Variants in HS6ST3 observed in about 807,000 individuals in gnomAD.
The protein encoded by HS6ST3 is heparan-sulfate 6-O-sulfotransferase 3.
Under a neutral mutation model 36.7 loss-of-function variants are expected in HS6ST3, and 12 were observed. The observed-to-expected ratio is 0.33, with a 90% CI of 0.21 to 0.53. The LOEUF (loss-of-function observed/expected upper bound fraction) is 0.53, where lower values mean the gene tolerates loss of function less well. HS6ST3 is among the 20% of genes least tolerant of loss of function. The pLI, the probability that HS6ST3 is intolerant of heterozygous loss-of-function variation, is 0.95. For missense variants in HS6ST3, 584 were observed against 640.9 expected, an observed-to-expected ratio of 0.91 and a Z score of 0.96; for synonymous variants, 240 against 257.5, an observed-to-expected ratio of 0.93 and a Z score of 0.65.
At chr13:96,602,055 C>G (rs117898493) in intron 1 of HS6ST3, among the ~76,000 whole-genome samples, 2,092 of 152,258 alleles carry the variant, frequency 0.014, 17 homozygotes, top group Non-Finnish European at 0.024. Context: ...ATTTTTTAAA[C>G]TGCGTTAAAC....
intron 1 of HS6ST3, among the ~76,000 whole-genome samples, chr13:96,739,707 T>TA (rs1876386341): frequency 6.6e-6 from 1 of 152,170 alleles, no homozygotes; most frequent in Non-Finnish European, 1.5e-5. Flanking sequence ...ATGCTCTTTT[T>TA]AATGGTCACG....
chr13:96,755,186 T>C (rs1270706039), intron 1 of HS6ST3, among the ~76,000 whole-genome samples: 1 of 152,092 alleles, frequency 6.6e-6, no homozygotes, highest in Non-Finnish European at 1.5e-5. Flanking sequence ...AGATAAGCCA[T>C]TGTCTTGATT....
At chr13:96,670,662 A>G (rs1053336365) in intron 1 of HS6ST3, among the ~76,000 whole-genome samples, 1 of 152,174 alleles carries the variant, frequency 6.6e-6, no homozygotes, top group African/African-American at 2.4e-5. Context: ...AGATGAAGGT[A>G]AGCCTAGAGA....
chr13:96,551,026 TG>T (rs1003073091), intron 1 of HS6ST3, among the ~76,000 whole-genome samples: 7 of 152,198 alleles, frequency 4.6e-5, no homozygotes, highest in Admixed American at 1.3e-4. Context: ...CCTTTAACTC[TG>T]TCCCAATCTG....
At chr13:96,545,163 T>C (rs2056193093) in intron 1 of HS6ST3, among the ~76,000 whole-genome samples, 2 of 152,202 alleles carry the variant, frequency 1.3e-5, no homozygotes, top group South Asian at 2.1e-4. Flanking sequence ...GTTCTATGTA[T>C]GACTAAAATT....
At chr13:96,420,108 G>A (rs2055555662) in intron 1 of HS6ST3, among the ~76,000 whole-genome samples, 1 of 152,064 alleles carries the variant, frequency 6.6e-6, no homozygotes, top group African/African-American at 2.4e-5. Flanking sequence ...TCCTGCTGCA[G>A]GTTTTCCTTA....
chr13:96,339,202 A>G (rs2055117715), intron 1 of HS6ST3, among the ~76,000 whole-genome samples: 1 of 152,232 alleles, frequency 6.6e-6, no homozygotes, highest in African/African-American at 2.4e-5. Flanking sequence ...AAAATGACAC[A>G]CAAGAACAAT....
At position 96,184,375 on chromosome 13, in the gene HS6ST3, T is replaced by C. The variant is rs560639419; in HGVS notation, c.707+92806T>C. Among the ~76,000 whole-genome samples, 7 of 152,330 alleles carry C rather than the reference T, an allele frequency of 4.6e-5. No homozygotes were observed. In the South Asian group the frequency reaches 1.5e-3, roughly 32 times the overall value. On this transcript the variant is annotated intron_variant, in intron 1 of 1. Transcript: ENST00000376705. Reference sequence around the variant, plus strand: ...GCTAACTCAATTATCTCACCTTTTCTAATTATTACTTACAAAACATTCAGC... The same window carrying C: ...GCTAACTCAATTATCTCACCTTTTCCAATTATTACTTACAAAACATTCAGC...
intron 1 of HS6ST3, among the ~76,000 whole-genome samples, chr13:96,280,798 T>C (rs539834001): frequency 4.6e-5 from 7 of 152,168 alleles, no homozygotes; most frequent in African/African-American, 1.7e-4. Context: ...ACAGTTAATA[T>C]TGCAACAGAA....
chr13:96,544,937 G>C (rs2056192257), intron 1 of HS6ST3, among the ~76,000 whole-genome samples: 2 of 152,096 alleles, frequency 1.3e-5, no homozygotes, highest in Admixed American at 1.3e-4. Flanking sequence ...TGCACTAGAA[G>C]AAATACTTGA....
chr13:96,091,615 C>A (rs1452050300), intron 1 of HS6ST3, 46 bp downstream of exon 1: 22 of 1,513,076 alleles, frequency 1.5e-5, no homozygotes, highest in Non-Finnish European at 1.9e-5. Flanking sequence ...CACCCCCCAT[C>A]CCTCTTCCTC....
intron 1 of HS6ST3, among the ~76,000 whole-genome samples, chr13:96,238,442 C>T (rs1020476562): frequency 1.5e-4 from 23 of 152,240 alleles, no homozygotes; most frequent in South Asian, 4.1e-4. Context: ...TTATGATGGC[C>T]GACAAGGCTC....
At chr13:96,184,623 GT>G (rs2054257075) in intron 1 of HS6ST3, among the ~76,000 whole-genome samples, 1 of 151,898 alleles carries the variant, frequency 6.6e-6, no homozygotes, top group Non-Finnish European at 1.5e-5. Context: ...TGCTTGAAAT[GT>G]TCTTCCTCCA....
intron 1 of HS6ST3, among the ~76,000 whole-genome samples, chr13:96,254,497 ATACACATACATAC>A: frequency 4.1e-5 from 1 of 24,416 alleles, no homozygotes; most frequent in African/African-American, 1.3e-4. Flanking sequence ...ATATATATAT[ATACACATACATAC>A]ACACACACAC....
intron 1 of HS6ST3, among the ~76,000 whole-genome samples, chr13:96,702,709 A>G (rs947296092): frequency 6.6e-6 from 1 of 152,232 alleles, no homozygotes; most frequent in African/African-American, 2.4e-5. Flanking sequence ...GAAAGCATCC[A>G]AGAAAAACAA....
At chr13:96,100,412 A>T (rs1255652147) in intron 1 of HS6ST3, among the ~76,000 whole-genome samples, 5 of 152,144 alleles carry the variant, frequency 3.3e-5, no homozygotes, top group Non-Finnish European at 5.9e-5. Flanking sequence ...ATGGACAGGG[A>T]TAGGGAAACC....
At chr13:96,692,053 G>A (rs995100761) in intron 1 of HS6ST3, among the ~76,000 whole-genome samples, 2 of 152,082 alleles carry the variant, frequency 1.3e-5, no homozygotes, top group South Asian at 2.1e-4. Flanking sequence ...AGAAAGACTA[G>A]TCTTAGAATA....
chr13:96,408,648 G>T (rs1311393723), intron 1 of HS6ST3, among the ~76,000 whole-genome samples: 1 of 152,176 alleles, frequency 6.6e-6, no homozygotes, highest in Non-Finnish European at 1.5e-5. Flanking sequence ...ATCAGGTCAG[G>T]CATGGTGGCT....
At position 96,346,146 on chromosome 13, in the gene HS6ST3, G is replaced by A. The variant is rs889294384; in HGVS notation, c.707+254577G>A. Among the ~76,000 whole-genome samples, 4 of 152,178 alleles carry A rather than the reference G, an allele frequency of 2.6e-5. 1 individual carries two copies. The highest frequency in any genetic ancestry group is 9.7e-5 in the African/African-American group (4 of 41,444). On this transcript the variant is annotated intron_variant, in intron 1 of 1. Transcript: ENST00000376705. ...TGCAGCCCAGTCCCTAACAGGCCAT[G>A]GATCAGTACGGTCCATGGCCCAGGT...
Sources: gnomAD v4.1 joint callset for allele counts (sites outside exome capture counted in the v4.1 genomes callset) on GRCh38, gnomAD v4.1.1 for gene constraint, MANE v1.5 for transcripts, NCBI Gene and HGNC (gene_info 2026-07-23, HGNC 2026-07-21) for gene names.